PLXNA4: variants seen among roughly 807,000 people sequenced by gnomAD.
PLXNA4 encodes plexin A4.
In PLXNA4, 44 loss-of-function variants were observed where a neutral mutation model predicts 191.8. The ratio of observed to expected loss-of-function variants is 0.23; its 90% CI spans 0.18 to 0.29. The LOEUF is 0.29. Among genes scored for constraint, PLXNA4 ranks in the 10% least tolerant of loss-of-function variants. PLXNA4 has a pLI of 1.00. For missense variants in PLXNA4, 1,800 were observed against 2,488.8 expected (o/e 0.72, Z 5.89); for synonymous variants, 1,082 against 1,009.5 (o/e 1.07, Z -1.36).
At chr7:132,269,394 C>T (rs182743098) in intron 4 of PLXNA4, among the ~76,000 whole-genome samples, 39 of 143,426 alleles carry the variant, frequency 2.7e-4, no homozygotes, top group South Asian at 5.0e-4. Context: ...CCTCCCATGA[C>T]GACAGCCTTC....
intron 3 of PLXNA4, among the ~76,000 whole-genome samples, chr7:132,337,406 G>A (rs1338004325): frequency 6.6e-6 from 1 of 152,178 alleles, no homozygotes; most frequent in Non-Finnish European, 1.5e-5. Flanking sequence ...GAAATACATG[G>A]CTAAAACAGC....
At position 132,507,984 on chromosome 7, in the gene PLXNA4, A is replaced by C; in HGVS notation, c.710T>G (p.Ile237Ser). 6.2e-7 allele frequency: 1 copy of C among 1,614,214 alleles called. No individual in the cohort carries two copies. Reference protein sequence around the residue: ...IKIPSDTFTIIPDFDIYYVYG... With the variant: ...IKIPSDTFTISPDFDIYYVYG... Reference sequence around the variant, plus strand: ...GACATAGTAGATATCAAAGTCAGGGATGATGGTGAAGGTGTCCGAAGGGAT... The same window carrying C: ...GACATAGTAGATATCAAAGTCAGGGCTGATGGTGAAGGTGTCCGAAGGGAT... Residue 237 changes from isoleucine (I) to serine (S), a missense_variant, in exon 2 of 32, where the codon ATC becomes AGC. By Grantham distance (142) the Ile-to-Ser change is moderately radical (BLOSUM62 -2). Transcript: ENST00000321063.
intron 3 of PLXNA4, among the ~76,000 whole-genome samples, chr7:132,322,184 C>CTTTTTTTTTTTTTTTTTTTT (rs5887566): frequency 1.5e-4 from 18 of 122,496 alleles, no homozygotes; most frequent in South Asian, 2.8e-4. Flanking sequence ...CCTAAAAGGG[C>CTTTTTTTTTTTTTTTTTTTT]TTTTTTTTTT....
intron 4 of PLXNA4, among the ~76,000 whole-genome samples, chr7:132,267,877 C>T (rs1799914690): frequency 6.6e-6 from 1 of 152,156 alleles, no homozygotes; most frequent in Admixed American, 6.5e-5. Context: ...TACTTCTTAG[C>T]AGCAGGACCT....
At chr7:132,436,286 C>T (rs6954690) in intron 3 of PLXNA4, among the ~76,000 whole-genome samples, 4,566 of 152,236 alleles carry the variant, frequency 0.03, 214 homozygotes, top group African/African-American at 0.1. Flanking sequence ...GAAGGGAGTC[C>T]GTCTATGGGG....
chr7:132,429,487 A>G (rs1449905502), intron 3 of PLXNA4, among the ~76,000 whole-genome samples: 1 of 152,254 alleles, frequency 6.6e-6, no homozygotes, highest in Non-Finnish European at 1.5e-5. Flanking sequence ...AGGCACAGAC[A>G]ATATATAAAC....
intron 3 of PLXNA4, among the ~76,000 whole-genome samples, chr7:132,332,040 G>A (rs1003978225): frequency 2.6e-5 from 4 of 152,094 alleles, no homozygotes; most frequent in African/African-American, 7.2e-5. Flanking sequence ...CTGAATACAC[G>A]ACTTCTAAAC....
At chr7:132,512,283 A>G (rs1381113307) in intron 1 of PLXNA4, among the ~76,000 whole-genome samples, 5 of 152,222 alleles carry the variant, frequency 3.3e-5, no homozygotes, top group African/African-American at 7.2e-5. Context: ...CTTACTGTAC[A>G]TACACATGGA....
chr7:132,342,816 G>C (rs921122101), intron 3 of PLXNA4, among the ~76,000 whole-genome samples: 5 of 151,910 alleles, frequency 3.3e-5, no homozygotes, highest in African/African-American at 1.2e-4. Flanking sequence ...GCATGGTGCT[G>C]GGCACCTGTA....
intron 2 of PLXNA4, among the ~76,000 whole-genome samples, chr7:132,642,730 C>T (rs1228399493): frequency 3.9e-5 from 6 of 152,154 alleles, no homozygotes; most frequent in East Asian, 1.9e-4. Flanking sequence ...ACAATCTCAA[C>T]GTTTCATCCA....
At chr7:132,451,873 G>A (rs913149626) in intron 3 of PLXNA4, among the ~76,000 whole-genome samples, 1 of 152,216 alleles carries the variant, frequency 6.6e-6, no homozygotes, top group Non-Finnish European at 1.5e-5. Flanking sequence ...GGGCCCTCCT[G>A]GCCCTGACAG....
chr7:132,338,859 C>T (rs1802917489), intron 3 of PLXNA4, among the ~76,000 whole-genome samples: 1 of 152,180 alleles, frequency 6.6e-6, no homozygotes, highest in South Asian at 2.1e-4. Flanking sequence ...TGGTTCTTGT[C>T]TTCTCCAGGA....
chr7:132,315,747 C>CCACT (rs1563030211), intron 3 of PLXNA4, among the ~76,000 whole-genome samples: 1 of 152,128 alleles, frequency 6.6e-6, no homozygotes, highest in Non-Finnish European at 1.5e-5. Context: ...GCAATGTGAG[C>CCACT]TGATTGTTAG....
chr7:132,547,074 C>T (rs1800342707), intron 1 of PLXNA4, among the ~76,000 whole-genome samples: 1 of 152,170 alleles, frequency 6.6e-6, no homozygotes, highest in African/African-American at 2.4e-5. Context: ...AGCAAGCTAG[C>T]TCCATGGTGA....
At chr7:132,490,668 C>A (rs1391725257) in intron 2 of PLXNA4, among the ~76,000 whole-genome samples, 4 of 152,108 alleles carry the variant, frequency 2.6e-5, no homozygotes, top group African/African-American at 9.7e-5. Context: ...CTCAAGCAAC[C>A]ACCACCCTCA....
chr7:132,189,830 T>A (rs1797032518), intron 14 of PLXNA4, among the ~76,000 whole-genome samples: 1 of 152,128 alleles, frequency 6.6e-6, no homozygotes, highest in Non-Finnish European at 1.5e-5. Flanking sequence ...AGAAACTCTG[T>A]GTGAGGGATG....
upstream of PLXNA4, among the ~76,000 whole-genome samples, chr7:132,581,861 C>T (rs1280088619): frequency 6.6e-6 from 1 of 152,204 alleles, no homozygotes; most frequent in Middle Eastern, 3.2e-3. Flanking sequence ...CAGAATGCTT[C>T]CTTCTCTTTC....
chr7:132,313,504 T>C (rs1274709956), intron 3 of PLXNA4, among the ~76,000 whole-genome samples: 2 of 152,074 alleles, frequency 1.3e-5, no homozygotes, highest in African/African-American at 4.8e-5. Context: ...GCTTGAAGAA[T>C]GAAGGACAAA....
chr7:132,214,811 G>T (rs370671007), intron 9 of PLXNA4, among the ~76,000 whole-genome samples: 42 of 152,036 alleles, frequency 2.8e-4, no homozygotes, highest in Non-Finnish European at 1.6e-4. Context: ...CCCACTCCTC[G>T]GCTAGTTTCA....
Sources: allele counts gnomAD v4.1 joint callset (sites outside exome capture counted in the v4.1 genomes callset), GRCh38; gene constraint gnomAD v4.1.1; transcripts MANE v1.5; gene names NCBI Gene and HGNC (gene_info 2026-07-23, HGNC 2026-07-21).